The following MTERF2 variants were observed in gnomAD, a reference collection of about 807,000 sequenced individuals.
MTERF2 encodes the protein transcription termination factor 2, mitochondrial.
In MTERF2, 23 loss-of-function variants were observed where a neutral mutation model predicts 29.2. That is an observed-to-expected ratio of 0.79 (90% CI 0.57 to 1.12). The LOEUF is 1.12. Ranked by LOEUF, MTERF2 falls within the 50% of genes most tolerant of loss-of-function variation. The probability of loss-of-function intolerance (pLI) is 0.00; values close to 1 mark genes in which losing one functional copy is unlikely to be tolerated. For synonymous variants in MTERF2, 157 were observed against 159.5 expected, an observed-to-expected ratio of 0.98 and a Z score of 0.12; for missense variants, 440 against 429.4, an observed-to-expected ratio of 1.02 and a Z score of -0.22.
rs370792325 is a variant in MTERF2 at position 106,978,628 on chromosome 12, G to C, written c.87C>G (p.Phe29Leu). The C allele has an allele frequency of 1.2e-6, 2 of 1,614,042 alleles. No homozygotes were observed. The highest frequency in any genetic ancestry group is 2.7e-5 in the African/African-American group (2 of 74,898). The change falls in exon 3 of 3, where the codon TTC becomes TTG. Residue 29 changes from phenylalanine to leucine, a missense_variant. Physicochemically the swap from Phe to Leu is conservative, Grantham distance 22. Coordinates refer to ENST00000240050, the MANE Select transcript of MTERF2 (RefSeq NM_001033050.3). ...KMRSPPKYRP[F>L]LACFTYTTDK... ...CAGTTGTATAGGTGAAGCATGCTAA[G>C]AAAGGTCTGTATTTTGGAGGTGATC...
intron 1 of MTERF2, chr12:106,986,674 G>C (rs12821586): frequency 6.6e-6 from 1 of 152,320 alleles, no homozygotes; most frequent in African/African-American, 2.4e-5. Context: ...GTTATGGTTA[G>C]TATGGTCTTC....
rs1442708310 is a variant in MTERF2, at chr12:106,978,580, A to G, written c.135T>C (p.Asn45=). The G allele has an allele frequency of 6.2e-7, 1 of 1,614,090 alleles. No individual in the cohort carries two copies. The highest frequency in any genetic ancestry group is 8.5e-7 in the Non-Finnish European group (1 of 1,180,016). Residue 45 remains asparagine, a synonymous_variant, in exon 3 of 3, where the codon AAT becomes AAC. Coordinates refer to ENST00000240050, the MANE Select transcript of MTERF2 (RefSeq NM_001033050.3). ...YTTDKQSSKE[N]TRTVEKLYKC... is the part of the protein sequence containing the mutation. ...TATAGAGCTTTTCCACTGTTCTTGT[A>G]TTTTCTTTGCTCGACTGTTTATCAG...
At chr12:106,984,366 T>C (rs898248787) in intron 2 of MTERF2, among the ~76,000 whole-genome samples, 13 of 152,364 alleles carry the variant, frequency 8.5e-5, no homozygotes, top group African/African-American at 2.9e-4. Context: ...CTTCTACTTA[T>C]ATAGCTTGCG....
chr12:106,986,722 G>C (rs1168577140), intron 1 of MTERF2: 4 of 152,186 alleles, frequency 2.6e-5, no homozygotes, highest in African/African-American at 7.2e-5. Context: ...TTCTTCTTTC[G>C]TAACACATAT....
chr12:106,984,815 G>GT (rs1952092376), intron 2 of MTERF2, among the ~76,000 whole-genome samples: 1 of 152,140 alleles, frequency 6.6e-6, no homozygotes, highest in Admixed American at 6.5e-5. Context: ...ACGTGGCACT[G>GT]TAAGTCCATT....
At chr12:106,981,397 C>T (rs542508419) in intron 2 of MTERF2, among the ~76,000 whole-genome samples, 1 of 152,244 alleles carries the variant, frequency 6.6e-6, no homozygotes, top group East Asian at 1.9e-4. Flanking sequence ...TTGCACAATG[C>T]CTGGTACAGA....
At chr12:106,979,806 G>C (rs569969116) in intron 2 of MTERF2, among the ~76,000 whole-genome samples, 2 of 152,244 alleles carry the variant, frequency 1.3e-5, no homozygotes, top group East Asian at 3.9e-4. Context: ...CCTCTATAGG[G>C]GCAGCAAAAC....
At position 106,977,671 on chromosome 12, in the gene MTERF2, A is replaced by C. The variant is rs1422662759; in HGVS notation, c.1044T>G (p.His348Gln). The change falls in exon 3 of 3, where the codon CAT (histidine) becomes CAG (glutamine). Residue 348 changes from histidine to glutamine, a missense_variant. Transcript: ENST00000240050. ...NSSGYRIKDG[H>Q]LANLNGSKKE... ...TTTTTGATCCATTTAGATTTGCTAG[A>C]TGTCCATCCTTTATTCTGTAGCCTG... 3 of 1,614,002 alleles carry C rather than the reference A, an allele frequency of 1.9e-6. No individual in the cohort carries two copies. The South Asian group carries it at 3.3e-5, about 18-fold the overall frequency.
Position 106,977,748 on chromosome 12 carries a change from G to T in MTERF2, c.967C>A (p.Leu323Ile). ...TGTACTATCTGTGGTGTTAATTCAA[G>T]AACCATTGGCGTCTCTCTTATCTGA... ...IAQIRETPMV[L>I]ELTPQIVQYR... Residue 323 changes from leucine to isoleucine, a missense_variant, in exon 3 of 3, where the codon CTT becomes ATT. Coordinates refer to ENST00000240050, the MANE Select transcript of MTERF2 (RefSeq NM_001033050.3). 1.2e-6 allele frequency: 2 copies of T among 1,613,936 alleles called. No individual in the cohort carries two copies. The highest frequency in any genetic ancestry group is 2.2e-5 in the East Asian group (1 of 44,850).
intron 2 of MTERF2, among the ~76,000 whole-genome samples, chr12:106,979,465 C>T (rs1952029313): frequency 6.6e-6 from 1 of 151,926 alleles, no homozygotes; most frequent in Non-Finnish European, 1.5e-5. Flanking sequence ...TTTATAAATC[C>T]AGAATTAGAA....
intron 1 of MTERF2, 187 bp downstream of exon 1, chr12:106,986,782 G>C (rs1277634237): frequency 6.6e-6 from 1 of 152,186 alleles, no homozygotes; most frequent in Non-Finnish European, 1.5e-5. Context: ...AAGGAAAAAC[G>C]AGGGTCCACG....
At chr12:106,981,675 C>A (rs1042730303) in intron 2 of MTERF2, among the ~76,000 whole-genome samples, 18 of 151,986 alleles carry the variant, frequency 1.2e-4, no homozygotes, top group African/African-American at 3.6e-4. Context: ...CATGAGCCAC[C>A]ACACCTGGCT....
Position 106,977,936 on chromosome 12 carries a change from G to C in MTERF2, c.779C>G (p.Pro260Arg). The change falls in exon 3 of 3, where the codon CCA becomes CGA. Residue 260 changes from proline to arginine, a missense_variant. Coordinates refer to ENST00000240050, the MANE Select transcript of MTERF2 (RefSeq NM_001033050.3). Reference protein sequence around the residue: ...KLKGFLFQLCPRSIQNSISFS... With the variant: ...KLKGFLFQLCRRSIQNSISFS... ...GGAAATACTATTCTGTATACTTCTT[G>C]GGCAAAGTTGAAAAAGAAATCCTTT... 6.2e-7 allele frequency: 1 copy of C among 1,614,052 alleles called. No individual in the cohort carries two copies. Among genetic ancestry groups the C allele is most frequent in the Non-Finnish European group, 8.5e-7 (1 of 1,180,000 alleles).
rs747325789 is a variant in MTERF2 at position 106,978,528 on chromosome 12, G to C, written c.187C>G (p.Arg63Gly). The change falls in exon 3 of 3, where the codon CGT becomes GGT. Residue 63 changes from arginine to glycine, a missense_variant. Transcript: ENST00000240050. ...YKCSVDIRKI[R>G]RLKGWVLLED... Reference sequence around the variant, plus strand: ...AAAAGTACCCATCCTTTTAATCTACGAATTTTCCTAATGTCAACTGAACAT... The same window carrying C: ...AAAAGTACCCATCCTTTTAATCTACCAATTTTCCTAATGTCAACTGAACAT... 1 of 1,614,122 alleles carries C rather than the reference G, an allele frequency of 6.2e-7. No homozygotes were observed. Among genetic ancestry groups the C allele is most frequent in the Non-Finnish European group, 8.5e-7 (1 of 1,180,006 alleles).
Position 106,985,102 on chromosome 12 carries a change from CTCT to C in MTERF2, c.-58+10_-58+12del, listed in dbSNP as rs1292361329. 2.0e-5 allele frequency: 3 copies of C among 152,384 alleles called. No homozygotes were observed. The highest frequency in any genetic ancestry group is 1.3e-4 in the Admixed American group (2 of 15,302). The allele number at this position is 152,384 out of a possible 1,614,324, so 9.4% of individuals were successfully genotyped here. A position where few individuals can be genotyped will look rare whatever the true frequency, so the allele number is the denominator to read the frequency against. ...ACCTTCAAGGCTTGGTTCTAGACCTCTCTTCTTCTTACCTTACAGTCTCTCCCC... is the reference window on the plus strand; with the variant it reads ...ACCTTCAAGGCTTGGTTCTAGACCTCTCTTCTTACCTTACAGTCTCTCCCC... On this transcript the variant is annotated intron_variant, in intron 2 of 2. Transcript: ENST00000240050.
chr12:106,982,926 ATTAT>A (rs1199216642), intron 2 of MTERF2, among the ~76,000 whole-genome samples: 2 of 152,104 alleles, frequency 1.3e-5, no homozygotes, highest in African/African-American at 2.4e-5. Context: ...ACTTCTTTTT[ATTAT>A]TTATAAGGGT....
At chr12:106,982,488 T>C (rs537273637) in intron 2 of MTERF2, among the ~76,000 whole-genome samples, 1 of 152,348 alleles carries the variant, frequency 6.6e-6, no homozygotes, top group South Asian at 2.1e-4. Context: ...AAAGTATGAA[T>C]GTTGTGACTC....
At chr12:106,978,911 A>C in intron 2 of MTERF2, 140 bp from the exon 3 acceptor site, 1 of 507,836 alleles carries the variant, frequency 2.0e-6, no homozygotes. Context: ...GAATATTTTT[A>C]AAAATCTTCC....
chr12:106,977,426 G>T lies in MTERF2; in HGVS notation c.*131C>A. ...ATGAGTCAGAATTTATCTATTTAGA[G>T]ATAACTTAAATACAACACAGAAGCT... On this transcript the variant is annotated 3_prime_UTR_variant, in exon 3 of 3. Transcript: ENST00000240050. 1 of 657,078 alleles carries T rather than the reference G, an allele frequency of 1.5e-6. No homozygotes were observed. Among genetic ancestry groups the T allele is most frequent in the South Asian group, 2.3e-5 (1 of 42,562 alleles). The allele number at this position is 657,078 out of a possible 1,614,324, so 40.7% of individuals were successfully genotyped here.
Sources: allele counts gnomAD v4.1 joint callset (sites outside exome capture counted in the v4.1 genomes callset), GRCh38; gene constraint gnomAD v4.1.1; transcripts MANE v1.5; gene names NCBI Gene and HGNC (gene_info 2026-07-23, HGNC 2026-07-21).